ZNF586: variants seen among roughly 807,000 people sequenced by gnomAD.
ZNF586 encodes zinc finger protein 586.
Under a neutral mutation model 6.7 loss-of-function variants are expected in ZNF586, and 7 were observed. That is an observed-to-expected ratio of 1.04 (90% CI 0.59 to 1.95). The LOEUF (loss-of-function observed/expected upper bound fraction) is 1.95, where lower values mean the gene tolerates loss of function less well. Among genes scored for constraint, ZNF586 ranks in the 30% most tolerant of loss-of-function variants. The pLI, the probability that ZNF586 is intolerant of heterozygous loss-of-function variation, is 0.00. For missense variants in ZNF586, 442 were observed against 489.6 expected, an observed-to-expected ratio of 0.90 and a Z score of 0.92; for synonymous variants, 166 against 168.7, an observed-to-expected ratio of 0.98 and a Z score of 0.12.
At chr19:57,771,669 G>A (rs1600077898) in intron 1 of ZNF586, among the ~76,000 whole-genome samples, 1 of 152,116 alleles carries the variant, frequency 6.6e-6, no homozygotes, top group African/African-American at 2.4e-5. Flanking sequence ...CTTAATAGGC[G>A]CTGTCTGGTT....
At chr19:57,777,921 A>C (rs1006633941) in intron 2 of ZNF586, among the ~76,000 whole-genome samples, 3 of 149,648 alleles carry the variant, frequency 2.0e-5, no homozygotes, top group Non-Finnish European at 3.0e-5. Context: ...ACGCCCGGCT[A>C]ATTTTTGGGG....
intron 1 of ZNF586, 59 bp from the exon 2 acceptor site, chr19:57,776,484 G>A: frequency 6.4e-7 from 1 of 1,558,388 alleles, no homozygotes; most frequent in Admixed American, 1.9e-5. Flanking sequence ...TTGGGGAAGT[G>A]GACTGTGGGT....
At chr19:57,772,684 G>C (rs992997848) in intron 1 of ZNF586, among the ~76,000 whole-genome samples, 1 of 152,090 alleles carries the variant, frequency 6.6e-6, no homozygotes, top group Non-Finnish European at 1.5e-5. Flanking sequence ...AAGGGGAAGC[G>C]ACCCAGAGCT....
intron 1 of ZNF586, chr19:57,774,744 G>C: frequency 1.0e-6 from 1 of 985,082 alleles, no homozygotes. Flanking sequence ...GGTAATTTTG[G>C]ATTCCTTTTT....
intron 2 of ZNF586, among the ~76,000 whole-genome samples, chr19:57,777,535 T>C (rs547681500): frequency 9.7e-4 from 147 of 152,260 alleles, no homozygotes; most frequent in Admixed American, 1.6e-3. Context: ...TTCATGCCAA[T>C]AGAAGTAGCC....
intron 1 of ZNF586, among the ~76,000 whole-genome samples, chr19:57,773,053 T>C (rs1987134425): frequency 1.3e-5 from 2 of 152,206 alleles, no homozygotes; most frequent in South Asian, 2.1e-4. Flanking sequence ...GAAAAGGAGA[T>C]GACCAAATAT....
chr19:57,775,211 G>A (rs1376975960), intron 1 of ZNF586, among the ~76,000 whole-genome samples: 1 of 152,070 alleles, frequency 6.6e-6, no homozygotes. Flanking sequence ...TAGCCAGGAT[G>A]GTCTCGATCT....
intron 2 of ZNF586, 146 bp downstream of exon 2, chr19:57,776,815 C>T (rs1478651443): frequency 4.3e-6 from 4 of 935,246 alleles, no homozygotes; most frequent in Non-Finnish European, 6.2e-6. Flanking sequence ...CTGAGGTGTA[C>T]GTACTGCCCT....
Position 57,780,005 on chromosome 19 carries a change from C to A in ZNF586, c.*209C>A. The stretch of plus-strand genomic sequence containing the variant: ...GCCTTCAGCCCTCTCTCATTGGTTA[C>A]CACAATATTTACATGAGGAAAATAC... On this transcript the variant is annotated 3_prime_UTR_variant, in exon 3 of 3. Transcript: ENST00000396154. 1 of 544,856 alleles carries A rather than the reference C, an allele frequency of 1.8e-6. No individual in the cohort carries two copies. The highest frequency in any genetic ancestry group is 3.2e-6 in the Non-Finnish European group (1 of 312,232). 33.8% of individuals were successfully genotyped at this position (544,856 alleles called of 1,614,324 possible). A position where few individuals can be genotyped will look rare whatever the true frequency, so the allele number is the denominator to read the frequency against.
chr19:57,778,748 T>C lies in ZNF586; in HGVS notation c.164-3T>C, dbSNP rs1321296016. On this transcript the variant is annotated splice_region_variant and splice_polypyrimidine_tract_variant and intron_variant, in intron 2 of 2. Transcript: ENST00000396154. ...TACCTCACCAGCATTTCTTTGCTTTTAGGTTGTTGGCATGGAGGGGAAGAT... is the reference window on the plus strand; with the variant it reads ...TACCTCACCAGCATTTCTTTGCTTTCAGGTTGTTGGCATGGAGGGGAAGAT... 3.8e-6 allele frequency: 6 copies of C among 1,598,470 alleles called. No individual in the cohort carries two copies. The African/African-American group carries it at 5.4e-5, about 14-fold the overall frequency.
intron 1 of ZNF586, among the ~76,000 whole-genome samples, chr19:57,776,029 T>C (rs146591227): frequency 6.6e-6 from 1 of 152,196 alleles, no homozygotes; most frequent in Non-Finnish European, 1.5e-5. Flanking sequence ...TCAGGTGTTG[T>C]GTTTGGCCAT....
At chr19:57,774,693 T>C in intron 1 of ZNF586, 1 of 966,670 alleles carries the variant, frequency 1.0e-6, no homozygotes, top group African/African-American at 1.8e-5. Context: ...GTCAGAATGA[T>C]TTGGGGCTAC....
chr19:57,774,899 C>A, intron 1 of ZNF586: 1 of 228,434 alleles, frequency 4.4e-6, no homozygotes, highest in Non-Finnish European at 7.3e-6. Flanking sequence ...CCCCACTCTG[C>A]TCTTTGGGAT....
rs529848033 is a variant in ZNF586, at chr19:57,769,678, C to T, written c.-165C>T. 4.2e-6 allele frequency: 3 copies of T among 718,038 alleles called. No homozygotes were observed. In the East Asian group the frequency reaches 9.2e-5, roughly 22 times the overall value. The allele number at this position is 718,038 out of a possible 1,614,324, so 44.5% of individuals were successfully genotyped here. Reference sequence around the variant, plus strand: ...TCCTAGCCGTGGCAGCCATTTTGGCCTGTCAGGTCCATCCGGCGATGCTGG... The same window carrying T: ...TCCTAGCCGTGGCAGCCATTTTGGCTTGTCAGGTCCATCCGGCGATGCTGG... On this transcript the variant is annotated 5_prime_UTR_variant, in exon 1 of 3. Transcript: ENST00000396154.
chr19:57,774,852 C>A, intron 1 of ZNF586: 1 of 606,214 alleles, frequency 1.6e-6, no homozygotes, highest in Non-Finnish European at 2.1e-6. Flanking sequence ...CTGGTGATAC[C>A]AGTACTACCT....
At chr19:57,775,855 G>A (rs1347270171) in intron 1 of ZNF586, among the ~76,000 whole-genome samples, 5 of 152,130 alleles carry the variant, frequency 3.3e-5, no homozygotes, top group Non-Finnish European at 7.4e-5. Context: ...ACCCGCCTCG[G>A]CGTCCCAAAT....
Position 57,779,175 on chromosome 19 carries a change from C to T in ZNF586, c.588C>T (p.His196=), listed in dbSNP as rs1568484281. The change falls in exon 3 of 3, where the codon CAC becomes CAT. Residue 196 remains histidine (H), a synonymous_variant. Transcript: ENST00000396154. Reference sequence around the variant, plus strand: ...CTGAAAAGTCCAGTCTCATTAACCACAGGAAAGTTCACTCTGGAGCAAAGC... The same window carrying T: ...CTGAAAAGTCCAGTCTCATTAACCATAGGAAAGTTCACTCTGGAGCAAAGC... The part of the protein sequence containing the change: ...AFAEKSSLIN[H]RKVHSGAKRY... The T allele has an allele frequency of 1.2e-6, 2 of 1,613,242 alleles. No homozygotes were observed. The highest frequency in any genetic ancestry group is 1.7e-6 in the Non-Finnish European group (2 of 1,179,872).
chr19:57,770,157 CTTTTTTT>C (rs56139513), intron 1 of ZNF586, among the ~76,000 whole-genome samples: 1 of 128,230 alleles, frequency 7.8e-6, no homozygotes, highest in African/African-American at 2.9e-5. Flanking sequence ...GGAGTTATTT[CTTTTTTT>C]TTTTTTTTTT....
rs1472387934 is a variant in ZNF586, at chr19:57,779,045, G to A, written c.458G>A (p.Ser153Asn). 3 of 1,614,112 alleles carry A rather than the reference G, an allele frequency of 1.9e-6. No individual in the cohort carries two copies. Among genetic ancestry groups the A allele is most frequent in the East Asian group, 2.2e-5 (1 of 44,874 alleles). Residue 153 changes from serine (S) to asparagine (N), a missense_variant, in exon 3 of 3, where the codon AGT (serine) becomes AAT (asparagine). Coordinates refer to ENST00000396154, the MANE Select transcript of ZNF586 (RefSeq NM_017652.4). ...FHTGQKTYEC[S>N]ECGKSFHQSS... ...ACTGGGCAAAAGACCTATGAGTGCA[G>A]TGAGTGTGGAAAATCATTTCACCAA...
Sources: allele counts gnomAD v4.1 joint callset (sites outside exome capture counted in the v4.1 genomes callset), GRCh38; gene constraint gnomAD v4.1.1; transcripts MANE v1.5; gene names NCBI Gene and HGNC (gene_info 2026-07-23, HGNC 2026-07-21).